Variants in MYOM2 observed in about 807,000 individuals in gnomAD.
The protein encoded by MYOM2 is myomesin 2.
A neutral mutation model predicts 187.6 loss-of-function variants in MYOM2; 254 were observed. That is an observed-to-expected ratio of 1.35 (90% CI 1.22 to 1.50). The LOEUF is 1.50. Ranked by LOEUF, MYOM2 falls within the 40% of genes most tolerant of loss-of-function variation. MYOM2 has a pLI of 0.00. For missense variants in MYOM2, 2,796 were observed against 1,924.0 expected (o/e 1.45, Z -8.48); for synonymous variants, 981 against 753.8 (o/e 1.30, Z -4.94).
At position 2,086,204 on chromosome 8, in the gene MYOM2, CCCCA is replaced by C. The variant is rs1796035995; in HGVS notation, c.1644+816_1644+819del. Among the ~76,000 whole-genome samples, 26 of 24,956 alleles carry C rather than the reference CCCCA, an allele frequency of 1.0e-3. 8 individuals carry two copies. Among genetic ancestry groups the C allele is most frequent in the African/African-American group, 3.2e-3 (24 of 7,604 alleles). The allele number at this position is 24,956 out of a possible 152,430, so 16.4% of individuals were successfully genotyped here. ...CCCCACTGTCATGATCTCTGCGTGG[CCCCA>C]CTGTCATGATCTCTTTGTGGCCCCC... On this transcript the variant is annotated intron_variant, in intron 14 of 36. Transcript: ENST00000262113.
intron 13 of MYOM2, among the ~76,000 whole-genome samples, chr8:2,083,463 T>C (rs4876229): frequency 0.27 from 40,112 of 150,938 alleles, 5,426 homozygotes; most frequent in East Asian, 0.33. Context: ...TCGCATGTGC[T>C]TAGCACCATC....
At chr8:2,070,200 G>T (rs992000839) in intron 8 of MYOM2, among the ~76,000 whole-genome samples, 5 of 152,226 alleles carry the variant, frequency 3.3e-5, no homozygotes, top group African/African-American at 7.2e-5. Context: ...TATGGCTTGG[G>T]AGTGAGTTTT....
intron 27 of MYOM2, among the ~76,000 whole-genome samples, chr8:2,117,582 A>C (rs1468229641): frequency 1.3e-5 from 2 of 152,176 alleles, no homozygotes; most frequent in African/African-American, 4.8e-5. Context: ...CTGAAGAGCA[A>C]TAGATATGAG....
intron 13 of MYOM2, among the ~76,000 whole-genome samples, chr8:2,080,191 C>T (rs1397163902): frequency 6.6e-6 from 1 of 152,170 alleles, no homozygotes; most frequent in African/African-American, 2.4e-5. Context: ...TTTAACTGGA[C>T]TTAGAGTTCA....
chr8:2,136,210 C>T (rs557917431), intron 32 of MYOM2, among the ~76,000 whole-genome samples: 7 of 152,310 alleles, frequency 4.6e-5, no homozygotes, highest in South Asian at 4.1e-4. Flanking sequence ...TGCTGATCCC[C>T]GGCTCATGGC....
At chr8:2,093,829 C>A in intron 16 of MYOM2, 141 bp from the exon 17 acceptor site, 1 of 994,944 alleles carries the variant, frequency 1.0e-6, no homozygotes, top group Admixed American at 2.4e-5. Flanking sequence ...ACATGTTGAG[C>A]TAATTAACTA....
chr8:2,134,924 G>C (rs886374075), intron 32 of MYOM2, among the ~76,000 whole-genome samples: 4 of 152,256 alleles, frequency 2.6e-5, no homozygotes, highest in African/African-American at 9.6e-5. Context: ...CGATGTCTCA[G>C]GGAGCCGCGG....
chr8:2,139,571 G>A (rs1379885968), intron 32 of MYOM2, among the ~76,000 whole-genome samples: 1 of 152,152 alleles, frequency 6.6e-6, no homozygotes, highest in African/African-American at 2.4e-5. Flanking sequence ...TTGGTTGCCG[G>A]CAAGGGTAAG....
chr8:2,085,197 C>T (rs936136459), intron 13 of MYOM2, 66 bp from the exon 14 acceptor site: 17 of 1,575,644 alleles, frequency 1.1e-5, no homozygotes, highest in Non-Finnish European at 1.4e-5. Flanking sequence ...CTCCAGTGCC[C>T]CGAGGTGGGC....
At chr8:2,119,330 GGAGAA>G (rs1797348467) in intron 28 of MYOM2, 1 of 152,418 alleles carries the variant, frequency 6.6e-6, no homozygotes, top group African/African-American at 2.4e-5. Context: ...GATTGTCAGA[GGAGAA>G]GAGGAGACCA....
chr8:2,136,873 G>T (rs916984596), intron 32 of MYOM2, among the ~76,000 whole-genome samples: 11 of 152,312 alleles, frequency 7.2e-5, no homozygotes, highest in Middle Eastern at 6.8e-3. Context: ...ACGCCGCAAA[G>T]GCTAAAACGC....
intron 13 of MYOM2, among the ~76,000 whole-genome samples, chr8:2,083,415 G>A (rs1469294649): frequency 7.2e-6 from 1 of 138,018 alleles, no homozygotes; most frequent in Admixed American, 7.4e-5. Flanking sequence ...GGCATCTCAC[G>A]TGTGCTTAGC....
intron 28 of MYOM2, 122 bp downstream of exon 28, chr8:2,118,074 G>C (rs537816056): frequency 1.3e-6 from 1 of 786,106 alleles, no homozygotes; most frequent in East Asian, 2.6e-5. Flanking sequence ...TGGTGCCTGT[G>C]TAGCTGCGGA....
At chr8:2,094,126 T>C in intron 17 of MYOM2, 35 bp downstream of exon 17, 1 of 1,609,872 alleles carries the variant, frequency 6.2e-7, no homozygotes, top group Non-Finnish European at 8.5e-7. Flanking sequence ...TGCCGATTGC[T>C]CCCATACACT....
chr8:2,097,797 G>A (rs372481905), intron 18 of MYOM2, among the ~76,000 whole-genome samples: 3 of 152,218 alleles, frequency 2.0e-5, no homozygotes, highest in South Asian at 2.1e-4. Context: ...GATTACAGGC[G>A]TGAGTCACTG....
chr8:2,108,994 C>T (rs919511644), intron 24 of MYOM2, among the ~76,000 whole-genome samples, 164 bp downstream of exon 24: 2 of 152,112 alleles, frequency 1.3e-5, no homozygotes, highest in Non-Finnish European at 2.9e-5. Flanking sequence ...CAAATATTAG[C>T]TTATATTATA....
At chr8:2,063,728 A>C (rs896029826) in intron 6 of MYOM2, among the ~76,000 whole-genome samples, 4 of 152,226 alleles carry the variant, frequency 2.6e-5, no homozygotes, top group African/African-American at 9.6e-5. Flanking sequence ...TGCCCATGAG[A>C]ATTGATATGG....
At chr8:2,135,239 G>T (rs565795109) in intron 32 of MYOM2, among the ~76,000 whole-genome samples, 144 of 152,226 alleles carry the variant, frequency 9.5e-4, no homozygotes, top group African/African-American at 3.4e-3. Flanking sequence ...AGAGTTCAGT[G>T]TTTCCTACAA....
Position 2,052,275 on chromosome 8 carries a change from G to A in MYOM2, c.225G>A (p.Val75=). The A allele has an allele frequency of 6.2e-7, 1 of 1,608,616 alleles. No homozygotes were observed. Among genetic ancestry groups the A allele is most frequent in the Non-Finnish European group, 8.5e-7 (1 of 1,177,724 alleles). The change falls in exon 3 of 37, where the codon GTG becomes GTA. Residue 75 remains valine (V), a synonymous_variant. Transcript: ENST00000262113. ...TCTGCAGGGTCTGTGCGAAGCGAGT[G>A]AGCACGCAGGAAGATGAGGAGCAGG... The part of the protein sequence containing the change: ...GTICRVCAKR[V]STQEDEEQEN...
Sources: gnomAD v4.1 joint callset for allele counts (sites outside exome capture counted in the v4.1 genomes callset) on GRCh38, gnomAD v4.1.1 for gene constraint, MANE v1.5 for transcripts, NCBI Gene and HGNC (gene_info 2026-07-23, HGNC 2026-07-21) for gene names.